FGF14: variants seen among roughly 807,000 people sequenced by gnomAD.
FGF14 encodes the protein fibroblast growth factor homologous factor 4.
In FGF14, 5 loss-of-function variants were observed where a neutral mutation model predicts 25.5. The observed-to-expected ratio is 0.20, with a 90% CI of 0.10 to 0.41. The LOEUF (loss-of-function observed/expected upper bound fraction) is 0.41. Ranked by LOEUF, FGF14 falls within the 10% of genes least tolerant of loss-of-function variation. The pLI, the probability that FGF14 is intolerant of heterozygous loss-of-function variation, is 1.00. For missense variants in FGF14, 222 were observed against 320.1 expected (o/e 0.69, Z 2.34); for synonymous variants, 138 against 118.3 (o/e 1.17, Z -1.08).
upstream of FGF14, among the ~76,000 whole-genome samples, chr13:101,917,059 C>T (rs1361378813): frequency 3.3e-5 from 5 of 151,424 alleles, no homozygotes; most frequent in Non-Finnish European, 7.4e-5. Context: ...CGGCCGGCGG[C>T]TCCCCGGGCG....
chr13:101,875,196 G>A lies in FGF14; in HGVS notation c.294C>T (p.Ser98=), dbSNP rs1170032944. The change falls in exon 2 of 5, where the codon AGC becomes AGT. Residue 98 remains serine, a synonymous_variant. Transcript: ENST00000376143. ...DGALDGTKDD[S]TNSTLFNLIP... The stretch of plus-strand genomic sequence containing the variant: ...GAGGTTGTCACTTACTAGAATTAGT[G>A]CTGTCATCCTTGGTTCCATCGAGAG... 1.2e-6 allele frequency: 2 copies of A among 1,611,258 alleles called. No individual in the cohort carries two copies. The highest frequency in any genetic ancestry group is 2.2e-5 in the South Asian group (2 of 91,036).
chr13:101,912,250 A>G (rs2033021336), intron 1 of FGF14, among the ~76,000 whole-genome samples: 1 of 152,144 alleles, frequency 6.6e-6, no homozygotes, highest in Admixed American at 6.5e-5. Flanking sequence ...TACATACTGT[A>G]ATTTATTTTA....
In FGF14 at chr13:102,269,411, CTG is replaced by C. The variant is rs141605625; in HGVS notation, c.208+132058_208+132059del. On this transcript the variant is annotated intron_variant, in intron 1 of 4. Transcript: ENST00000376131. ...GCTATTATATAAAGAATGGTGATAA[CTG>C]TTTGTCATCTCTTATAAAAACAGTA... 6.3e-3 allele frequency among the ~76,000 whole-genome samples: 963 copies of C among 152,252 alleles called. 2 individuals are homozygous for C. Among genetic ancestry groups the C allele is most frequent in the African/African-American group, 0.022 (903 of 41,554 alleles).
intron 3 of FGF14, among the ~76,000 whole-genome samples, chr13:101,812,139 T>C (rs953904632): frequency 6.6e-5 from 10 of 152,210 alleles, no homozygotes; most frequent in African/African-American, 2.4e-4. Context: ...TGAAAAGATG[T>C]CATTCTTCCC....
intron 1 of FGF14, among the ~76,000 whole-genome samples, chr13:102,350,987 G>C (rs117992688): frequency 6.6e-6 from 1 of 152,038 alleles, no homozygotes; most frequent in Admixed American, 6.5e-5. Flanking sequence ...CAACACCCAC[G>C]TTGCTCCTCC....
At chr13:102,113,644 T>G (rs969118460) in intron 1 of FGF14, among the ~76,000 whole-genome samples, 1 of 152,304 alleles carries the variant, frequency 6.6e-6, no homozygotes, top group East Asian at 1.9e-4. Context: ...CAAATCTCTT[T>G]ACAGTATTTG....
At chr13:101,824,436 T>A (rs1277541179) in intron 3 of FGF14, among the ~76,000 whole-genome samples, 4 of 152,216 alleles carry the variant, frequency 2.6e-5, no homozygotes, top group Admixed American at 2.6e-4. Context: ...TCTGCATTGA[T>A]TACTTCTTCG....
chr13:101,844,361 T>G (rs551872690), intron 3 of FGF14, among the ~76,000 whole-genome samples: 7 of 152,056 alleles, frequency 4.6e-5, no homozygotes, highest in African/African-American at 1.7e-4. Flanking sequence ...TGAAACTGAC[T>G]TCAAGACTGT....
chr13:101,817,435 C>T (rs892611311), intron 3 of FGF14, among the ~76,000 whole-genome samples: 5 of 152,022 alleles, frequency 3.3e-5, no homozygotes, highest in Admixed American at 6.6e-5. Flanking sequence ...GACTTATCTT[C>T]AAATTTAAAA....
At chr13:102,259,382 T>C (rs1304750553) in intron 1 of FGF14, among the ~76,000 whole-genome samples, 1 of 152,204 alleles carries the variant, frequency 6.6e-6, no homozygotes, top group African/African-American at 2.4e-5. Flanking sequence ...TGTTTTGTTT[T>C]GTTTTGTTTT....
rs570893550 is a variant in FGF14, at chr13:102,381,190, T to C, written c.208+20281A>G. 7.2e-5 allele frequency among the ~76,000 whole-genome samples: 11 copies of C among 152,324 alleles called. No individual in the cohort carries two copies. In the South Asian group the frequency reaches 2.3e-3, roughly 32 times the overall value. The stretch of plus-strand genomic sequence containing the variant: ...TTCATACCACTGTAAAGTTGAGTAA[T>C]AGTAAGTCAAACCATTCTAAGTCAG... On this transcript the variant is annotated intron_variant, in intron 1 of 4. Transcript: ENST00000376131.
At chr13:101,993,107 AATG>A (rs2038992492) in intron 1 of FGF14, among the ~76,000 whole-genome samples, 1 of 151,876 alleles carries the variant, frequency 6.6e-6, no homozygotes, top group Admixed American at 6.6e-5. Context: ...CATATACAGA[AATG>A]ATGATAAGGA....
intron 1 of FGF14, among the ~76,000 whole-genome samples, chr13:102,144,040 G>A (rs2046753662): frequency 6.6e-6 from 1 of 152,132 alleles, no homozygotes; most frequent in Non-Finnish European, 1.5e-5. Context: ...TTTAGAGACA[G>A]GGTTTCTCTC....
At chr13:101,937,919 C>T (rs1435036678) in intron 1 of FGF14, among the ~76,000 whole-genome samples, 2 of 152,076 alleles carry the variant, frequency 1.3e-5, no homozygotes, top group Admixed American at 1.3e-4. Flanking sequence ...TTTAAGCCAC[C>T]CAGTCTGTGG....
chr13:102,120,628 A>G (rs2045676325), intron 1 of FGF14, among the ~76,000 whole-genome samples: 1 of 152,334 alleles, frequency 6.6e-6, no homozygotes, highest in South Asian at 2.1e-4. Flanking sequence ...TTCCAAAAAA[A>G]TGGTCCACAA....
At chr13:101,753,246 T>C (rs1305443302) in intron 3 of FGF14, among the ~76,000 whole-genome samples, 2 of 151,390 alleles carry the variant, frequency 1.3e-5, no homozygotes, top group Non-Finnish European at 2.9e-5. Context: ...TAATACCACA[T>C]TCCATATATT....
At chr13:102,296,911 T>G (rs1431071644) in intron 1 of FGF14, among the ~76,000 whole-genome samples, 2 of 152,140 alleles carry the variant, frequency 1.3e-5, no homozygotes, top group African/African-American at 2.4e-5. Flanking sequence ...TCCATTTTAG[T>G]GTAGTAAATC....
chr13:101,799,489 T>C (rs2040746079), intron 3 of FGF14, among the ~76,000 whole-genome samples: 1 of 152,120 alleles, frequency 6.6e-6, no homozygotes, highest in Non-Finnish European at 1.5e-5. Context: ...CATAGTTTAG[T>C]GCTGGAAATA....
intron 1 of FGF14, among the ~76,000 whole-genome samples, chr13:102,086,309 A>G (rs1241849523): frequency 6.6e-6 from 1 of 152,140 alleles, no homozygotes; most frequent in Non-Finnish European, 1.5e-5. Context: ...TCACAAGGTC[A>G]GGAGATAGAG....
Sources: gnomAD v4.1 joint callset for allele counts (sites outside exome capture counted in the v4.1 genomes callset) on GRCh38, gnomAD v4.1.1 for gene constraint, MANE v1.5 for transcripts, NCBI Gene and HGNC (gene_info 2026-07-23, HGNC 2026-07-21) for gene names.